ERC1: variants seen among roughly 807,000 people sequenced by gnomAD.
ERC1 encodes ELKS/RAB6-interacting/CAST family member 1.
A neutral mutation model predicts 132.0 loss-of-function variants in ERC1; 56 were observed. The observed-to-expected ratio is 0.42, with a 90% CI of 0.34 to 0.53. ERC1 has a LOEUF of 0.53. Ranked by LOEUF, ERC1 falls within the 20% of genes least tolerant of loss-of-function variation. The pLI, the probability that ERC1 is intolerant of heterozygous loss-of-function variation, is 0.03. For missense variants in ERC1, 1,202 were observed against 1,349.9 expected (o/e 0.89, Z 1.72); for synonymous variants, 478 against 476.1 (o/e 1.00, Z -0.05).
intron 17 of ERC1, chr12:1,443,665 C>T (rs764968062): frequency 2.6e-5 from 4 of 152,274 alleles, no homozygotes; most frequent in Non-Finnish European, 4.4e-5. Context: ...TGAGGTCTGG[C>T]CCCACTCTCT....
rs546852370 is a variant in ERC1 at position 1,371,058 on chromosome 12, G to C, written c.2781-775G>C. On this transcript the variant is annotated intron_variant, in intron 15 of 18. Transcript: ENST00000360905. Reference sequence around the variant, plus strand: ...TTTTATTGTAGTAAGAAGACAACACGGGATCTACCCTCTTAATCACTTAAG... The same window carrying C: ...TTTTATTGTAGTAAGAAGACAACACCGGATCTACCCTCTTAATCACTTAAG... Among the ~76,000 whole-genome samples the C allele has an allele frequency of 9.2e-5, 14 of 152,218 alleles. No individual in the cohort carries two copies. The East Asian group carries it at 2.5e-3, about 27-fold the overall frequency.
chr12:1,380,872 A>G (rs1193004611), intron 16 of ERC1: 1 of 152,254 alleles, frequency 6.6e-6, no homozygotes, highest in Non-Finnish European at 1.5e-5. Context: ...CTGAGTTGTT[A>G]GTGAATAAAG....
At chr12:1,095,957 G>T (rs77946471) in intron 3 of ERC1, among the ~76,000 whole-genome samples, 8 of 149,532 alleles carry the variant, frequency 5.4e-5, no homozygotes, top group South Asian at 2.1e-4. Context: ...TTGAGATAGG[G>T]TCTGACTTTG....
chr12:1,473,423 C>G (rs1054308380), intron 18 of ERC1, among the ~76,000 whole-genome samples: 2 of 152,094 alleles, frequency 1.3e-5, no homozygotes, highest in East Asian at 3.9e-4. Flanking sequence ...GCCTTTCCTT[C>G]CTGTAAAAAC....
At chr12:1,441,966 C>T (rs1304371703) in intron 17 of ERC1, among the ~76,000 whole-genome samples, 23 of 152,184 alleles carry the variant, frequency 1.5e-4, no homozygotes, top group African/African-American at 3.4e-4. Flanking sequence ...CTCACTCTGT[C>T]GCCCTGGCTG....
At chr12:1,244,671 G>T in intron 13 of ERC1, 1 of 393,634 alleles carries the variant, frequency 2.5e-6, no homozygotes, top group Non-Finnish European at 5.1e-6. Flanking sequence ...CCAGGCGTGT[G>T]CCACCATGCC....
intron 17 of ERC1, among the ~76,000 whole-genome samples, chr12:1,412,648 G>T (rs1001506152): frequency 6.6e-6 from 1 of 152,284 alleles, no homozygotes; most frequent in Admixed American, 6.5e-5. Flanking sequence ...GCACAGCTTT[G>T]AATCTAGACC....
intron 15 of ERC1, among the ~76,000 whole-genome samples, chr12:1,329,526 G>A (rs959288204): frequency 4.6e-5 from 7 of 151,570 alleles, no homozygotes; most frequent in Admixed American, 4.6e-4. Flanking sequence ...AAAGCCTCAC[G>A]AGCAGCCTGT....
intron 2 of ERC1, among the ~76,000 whole-genome samples, chr12:1,055,702 G>A (rs145073304): frequency 6.6e-6 from 1 of 152,330 alleles, no homozygotes; most frequent in Non-Finnish European, 1.5e-5. Flanking sequence ...CGCAAGCTAC[G>A]GAGTCAGACT....
At chr12:1,350,102 A>G (rs2154366164) in intron 15 of ERC1, among the ~76,000 whole-genome samples, 1 of 152,268 alleles carries the variant, frequency 6.6e-6, no homozygotes, top group South Asian at 2.1e-4. Context: ...GGGGGATGTT[A>G]TTTTCCTCAG....
intron 15 of ERC1, among the ~76,000 whole-genome samples, chr12:1,313,232 C>T (rs2081438611): frequency 6.6e-6 from 1 of 152,056 alleles, no homozygotes; most frequent in South Asian, 2.1e-4. Flanking sequence ...GACGTGCCAA[C>T]TGGTTAAACA....
chr12:1,241,229 C>T (rs900316550), intron 13 of ERC1, among the ~76,000 whole-genome samples: 37 of 152,248 alleles, frequency 2.4e-4, no homozygotes, highest in Middle Eastern at 6.8e-3. Context: ...CATATAATGG[C>T]GTCTTCAAGT....
Position 1,394,030 on chromosome 12 carries a change from A to AAC in ERC1, c.2926-14118_2926-14117insCA, listed in dbSNP as rs1374608891. On this transcript the variant is annotated intron_variant, in intron 16 of 18. Coordinates refer to ENST00000360905, the MANE Select transcript of ERC1 (RefSeq NM_178040.4). ...GACTCCGTCTCAAAAAAAAAAAAAA[A>AAC]AAACAAAAAAAAAACCACAAAGCAT... is the stretch of plus-strand genomic sequence containing the variant. 5.6e-3 allele frequency among the ~76,000 whole-genome samples: 666 copies of AAC among 119,772 alleles called. 37 individuals are homozygous for AAC. Among genetic ancestry groups the AAC allele is most frequent in the African/African-American group, 0.023 (649 of 28,734 alleles). The allele number at this position is 119,772 out of a possible 152,430, so 78.6% of individuals were successfully genotyped here.
At chr12:1,403,812 T>A (rs1459006863) in intron 16 of ERC1, among the ~76,000 whole-genome samples, 1 of 152,222 alleles carries the variant, frequency 6.6e-6, no homozygotes, top group African/African-American at 2.4e-5. Flanking sequence ...TTAAAGATTG[T>A]CTCATGTTCT....
At chr12:1,231,869 A>C (rs1160500706) in intron 12 of ERC1, among the ~76,000 whole-genome samples, 1 of 152,026 alleles carries the variant, frequency 6.6e-6, no homozygotes, top group Non-Finnish European at 1.5e-5. Context: ...CCTCCCAAGT[A>C]GCTGGGACTA....
chr12:1,112,335 G>A lies in ERC1; in HGVS notation c.1401+37G>A, dbSNP rs1347615125. 2.8e-6 allele frequency: 4 copies of A among 1,451,356 alleles called. No individual in the cohort carries two copies. The African/African-American group carries it at 5.6e-5, about 20-fold the overall frequency. 89.9% of individuals were successfully genotyped at this position (1,451,356 alleles called of 1,614,324 possible). ...AAGATTTACCTCTTTGTGTGCAGTG[G>A]TCCCACAGTGGGACCCTGCTAGCTC... On this transcript the variant is annotated intron_variant, in intron 6 of 18. Transcript: ENST00000360905.
chr12:1,052,826 C>T (rs1241027006), intron 2 of ERC1, among the ~76,000 whole-genome samples: 1 of 151,886 alleles, frequency 6.6e-6, no homozygotes, highest in Non-Finnish European at 1.5e-5. Context: ...AAAAATTAGC[C>T]GGACATGGTG....
chr12:1,163,506 G>T (rs1321496680), intron 8 of ERC1, among the ~76,000 whole-genome samples: 2 of 152,108 alleles, frequency 1.3e-5, no homozygotes, highest in African/African-American at 2.4e-5. Context: ...GCCCTAAAAC[G>T]CAGTGGCATA....
intron 8 of ERC1, 95 bp from the exon 9 acceptor site, chr12:1,180,445 T>G: frequency 8.8e-6 from 10 of 1,137,102 alleles, no homozygotes; most frequent in Non-Finnish European, 1.3e-5. Flanking sequence ...CAGACAACCC[T>G]GAGCTATCTG....
Sources: gnomAD v4.1 joint callset for allele counts (sites outside exome capture counted in the v4.1 genomes callset) on GRCh38, gnomAD v4.1.1 for gene constraint, MANE v1.5 for transcripts, NCBI Gene and HGNC (gene_info 2026-07-23, HGNC 2026-07-21) for gene names.